The following GPM6A variants were observed in gnomAD, a reference collection of about 807,000 sequenced individuals.
The protein encoded by GPM6A is glycoprotein M6A.
In GPM6A, 7 loss-of-function variants were observed where a neutral mutation model predicts 32.1. That is an observed-to-expected ratio of 0.22 (90% confidence interval 0.12 to 0.41). The LOEUF (loss-of-function observed/expected upper bound fraction) is 0.41. Among genes scored for constraint, GPM6A ranks in the 10% least tolerant of loss-of-function variants. GPM6A has a pLI of 1.00. For synonymous variants in GPM6A, 130 were observed against 123.4 expected, an observed-to-expected ratio of 1.05 and a Z score of -0.35; for missense variants, 235 against 347.2, an observed-to-expected ratio of 0.68 and a Z score of 2.57.
intron 1 of GPM6A, among the ~76,000 whole-genome samples, chr4:175,917,459 C>T (rs995112283): frequency 3.9e-5 from 6 of 152,066 alleles, no homozygotes; most frequent in Non-Finnish European, 5.9e-5. Context: ...AAACGAAGGG[C>T]TTGAGATAGC....
chr4:175,904,717 A>T (rs1387111421), intron 1 of GPM6A, among the ~76,000 whole-genome samples: 1 of 152,134 alleles, frequency 6.6e-6, no homozygotes, highest in Non-Finnish European at 1.5e-5. Context: ...TTATGGAAAA[A>T]ATAAATAACT....
intron 2 of GPM6A, among the ~76,000 whole-genome samples, chr4:175,688,886 T>A (rs1744138933): frequency 6.6e-6 from 1 of 152,192 alleles, no homozygotes; most frequent in South Asian, 2.1e-4. Flanking sequence ...AGGGTGTCAC[T>A]CTGTCACCTA....
intron 1 of GPM6A, among the ~76,000 whole-genome samples, chr4:175,746,080 T>C (rs1223719750): frequency 6.6e-6 from 1 of 152,162 alleles, no homozygotes; most frequent in Non-Finnish European, 1.5e-5. Context: ...CATCACCTGC[T>C]AAACTGAAAG....
rs1733295139 is a variant in GPM6A, at chr4:175,774,025, GT to G, written c.37+38165del. 2.6e-5 allele frequency among the ~76,000 whole-genome samples: 4 copies of G among 152,104 alleles called. No homozygotes were observed. In the South Asian group the frequency reaches 8.3e-4, roughly 32 times the overall value. On this transcript the variant is annotated intron_variant, in intron 1 of 6. Coordinates refer to ENST00000393658, the MANE Select transcript of GPM6A (RefSeq NM_201591.3). ...AATTCATAAAACCCAGTTCTATCAA[GT>G]TTTTTTACCCAAGACAGCTTGAGAT...
At chr4:175,725,298 T>G (rs562244202) in intron 1 of GPM6A, among the ~76,000 whole-genome samples, 4 of 148,104 alleles carry the variant, frequency 2.7e-5, no homozygotes, top group Non-Finnish European at 6.0e-5. Context: ...GGTTTTTGTT[T>G]TTTTTTTTTT....
chr4:175,793,429 T>C (rs1437123272), intron 1 of GPM6A, among the ~76,000 whole-genome samples: 1 of 152,130 alleles, frequency 6.6e-6, no homozygotes, highest in Non-Finnish European at 1.5e-5. Flanking sequence ...CAGGCTGGAG[T>C]GCAGTGGCGC....
rs552643819 is a variant in GPM6A at position 175,759,352 on chromosome 4, C to A, written c.37+52839G>T. The stretch of plus-strand genomic sequence containing the variant: ...ATTATACGTAGATAATTCTTCAAGA[C>A]AACTTAGCATTAAAAATCAAATATC... On this transcript the variant is annotated intron_variant, in intron 1 of 6. Transcript: ENST00000393658. Among the ~76,000 whole-genome samples the A allele has an allele frequency of 4.2e-3, 645 of 152,160 alleles. 3 individuals carry two copies. The highest frequency in any genetic ancestry group is 6.9e-3 in the Non-Finnish European group (466 of 68,000).
At chr4:175,811,969 T>C in intron 1 of GPM6A, 2 of 461,826 alleles carry the variant, frequency 4.3e-6, no homozygotes, top group South Asian at 3.8e-5. Context: ...TTCTCACTAA[T>C]ACTCGACTCT....
intron 1 of GPM6A, among the ~76,000 whole-genome samples, chr4:175,762,185 C>A (rs145687731): frequency 1.4e-3 from 206 of 152,294 alleles, no homozygotes; most frequent in African/African-American, 4.5e-3. Flanking sequence ...GGTCATTCTA[C>A]GCTTACTTGA....
At position 175,724,450 on chromosome 4, in the gene GPM6A, G is replaced by T. The variant is rs191894367; in HGVS notation, c.38-22683C>A. Among the ~76,000 whole-genome samples the T allele has an allele frequency of 2.5e-3, 376 of 152,178 alleles. 5 individuals carry two copies. Among genetic ancestry groups the T allele is most frequent in the African/African-American group, 8.7e-3 (360 of 41,528 alleles). On this transcript the variant is annotated intron_variant, in intron 1 of 6. Coordinates refer to ENST00000393658, the MANE Select transcript of GPM6A (RefSeq NM_201591.3). ...TCCCAGCTACTCGGGAGGCTAAGGT[G>T]GGGGGAATCGCTTGAACCCAGAAGG...
At chr4:175,933,895 AACAG>A (rs1739140000) in intron 1 of GPM6A, among the ~76,000 whole-genome samples, 2 of 152,230 alleles carry the variant, frequency 1.3e-5, no homozygotes, top group South Asian at 4.1e-4. Context: ...AATGTCCATT[AACAG>A]ATGAGTGGAA....
At chr4:175,638,710 TAA>T (rs1740957712) in intron 6 of GPM6A, among the ~76,000 whole-genome samples, 1 of 152,114 alleles carries the variant, frequency 6.6e-6, no homozygotes, top group Non-Finnish European at 1.5e-5. Context: ...GTCCACTTTT[TAA>T]AAGATACCTT....
chr4:175,997,408 TAA>T (rs58447805), intron 1 of GPM6A, among the ~76,000 whole-genome samples: 2 of 152,132 alleles, frequency 1.3e-5, no homozygotes, highest in Admixed American at 1.3e-4. Context: ...TCTAGCATCA[TAA>T]AAGTGTTCTT....
chr4:175,943,384 T>C (rs565757762), intron 1 of GPM6A, among the ~76,000 whole-genome samples: 22 of 152,322 alleles, frequency 1.4e-4, no homozygotes, highest in African/African-American at 4.6e-4. Context: ...TTCTCTTACC[T>C]GATTGCCCTG....
intron 1 of GPM6A, among the ~76,000 whole-genome samples, chr4:175,788,569 C>T (rs1733891343): frequency 1.3e-5 from 2 of 152,032 alleles, no homozygotes; most frequent in Non-Finnish European, 2.9e-5. Context: ...CCCTTATCCC[C>T]AAACCTAGAA....
chr4:175,925,220 TGGAAATG>T (rs767746135), intron 1 of GPM6A, among the ~76,000 whole-genome samples: 14 of 152,214 alleles, frequency 9.2e-5, no homozygotes, highest in Non-Finnish European at 1.9e-4. Flanking sequence ...GATGTGAAAC[TGGAAATG>T]GGTGTTTACA....
chr4:175,857,918 A>C (rs1248868304), intron 1 of GPM6A, among the ~76,000 whole-genome samples: 2 of 152,136 alleles, frequency 1.3e-5, no homozygotes, highest in Non-Finnish European at 2.9e-5. Flanking sequence ...TGCAGATGCC[A>C]ATTAGAAATA....
chr4:175,834,721 C>T lies in GPM6A; in HGVS notation c.-22-22472G>A, dbSNP rs537382904. On this transcript the variant is annotated intron_variant, in intron 1 of 7. Coordinates refer to the GPM6A transcript ENST00000280187. ...TGAGTCATAAAAATGATAATTATAACCAATCTTCCAAGTATTATTACCATC... is the reference window on the plus strand; with the variant it reads ...TGAGTCATAAAAATGATAATTATAATCAATCTTCCAAGTATTATTACCATC... Among the ~76,000 whole-genome samples the T allele has an allele frequency of 2.0e-5, 3 of 152,188 alleles. No individual in the cohort carries two copies. In the East Asian group the frequency reaches 5.8e-4, roughly 29 times the overall value.
chr4:175,905,360 A>T (rs535420067), intron 1 of GPM6A, among the ~76,000 whole-genome samples: 1 of 152,198 alleles, frequency 6.6e-6, no homozygotes, highest in South Asian at 2.1e-4. Context: ...CTTTCTTAAA[A>T]GGTTCTAAGT....
Sources: allele counts gnomAD v4.1 joint callset (sites outside exome capture counted in the v4.1 genomes callset), GRCh38; gene constraint gnomAD v4.1.1; transcripts MANE v1.5; gene names NCBI Gene and HGNC (gene_info 2026-07-23, HGNC 2026-07-21).